Variants in PPP5C observed in about 807,000 individuals in gnomAD.
PPP5C encodes the protein protein phosphatase 5 catalytic subunit.
A neutral mutation model predicts 66.7 loss-of-function variants in PPP5C; 21 were observed. The ratio of observed to expected loss-of-function variants is 0.31; its 90% CI spans 0.22 to 0.45. PPP5C has a LOEUF of 0.45. PPP5C is among the 20% of genes least tolerant of loss of function. PPP5C has a pLI of 1.00. For missense variants in PPP5C, 464 were observed against 675.9 expected, an observed-to-expected ratio of 0.69 and a Z score of 3.48; for synonymous variants, 246 against 257.4, an observed-to-expected ratio of 0.96 and a Z score of 0.43.
chr19:46,379,870 A>G (rs1217405180), intron 4 of PPP5C, among the ~76,000 whole-genome samples: 1 of 152,240 alleles, frequency 6.6e-6, no homozygotes, highest in African/African-American at 2.4e-5. Context: ...AACTGAGCAG[A>G]TATCACTGAA....
chr19:46,388,854 C>A lies in PPP5C; in HGVS notation c.1355+123C>A. On this transcript the variant is annotated intron_variant, in intron 11 of 12. Coordinates refer to ENST00000012443, the MANE Select transcript of PPP5C (RefSeq NM_006247.4). This position sits in a 1 kb window ranked among gnomAD's most constrained non-coding sequence, Gnocchi z 4.9. ...GGCAAGAGCAGATAAAAGAACATGA[C>A]GAACACCCCCGTATGTGTCACCCAC... 7.9e-7 allele frequency: 1 copy of A among 1,266,846 alleles called. No homozygotes were observed. Among genetic ancestry groups the A allele is most frequent in the Non-Finnish European group, 1.1e-6 (1 of 916,902 alleles). The allele number at this position is 1,266,846 out of a possible 1,614,324, so 78.5% of individuals were successfully genotyped here. A position where few individuals can be genotyped will look rare whatever the true frequency, so the allele number is the denominator to read the frequency against.
rs149319032 is a variant in PPP5C, at chr19:46,376,667, G to T, written c.633+93G>T. On this transcript the variant is annotated intron_variant, in intron 4 of 12. Coordinates refer to ENST00000012443, the MANE Select transcript of PPP5C (RefSeq NM_006247.4). The surrounding 1 kb of genome is among the most constrained non-coding windows in gnomAD (Gnocchi z 5.1). ...GGCACTGAGCAAAACGACAGGAGAA[G>T]GGCGGCCATGACAGCCAACACCAAA... 6.5e-7 allele frequency: 1 copy of T among 1,527,504 alleles called. No homozygotes were observed. The highest frequency in any genetic ancestry group is 1.4e-5 in the African/African-American group (1 of 72,802). The allele number at this position is 1,527,504 out of a possible 1,614,324, so 94.6% of individuals were successfully genotyped here.
At chr19:46,349,401 G>A (rs1160263761) in intron 1 of PPP5C, among the ~76,000 whole-genome samples, 1 of 152,162 alleles carries the variant, frequency 6.6e-6, no homozygotes, top group African/African-American at 2.4e-5. Flanking sequence ...AGGAGAGGGG[G>A]GACTTGCAGC....
chr19:46,347,721 T>C (rs895238758), intron 1 of PPP5C, among the ~76,000 whole-genome samples: 4 of 148,904 alleles, frequency 2.7e-5, no homozygotes, highest in Admixed American at 6.7e-5. Context: ...AGGAATGTGA[T>C]GGTGGGGGCC....
intron 2 of PPP5C, among the ~76,000 whole-genome samples, chr19:46,363,465 C>G (rs1972435806): frequency 6.6e-6 from 1 of 150,772 alleles, no homozygotes; most frequent in African/African-American, 2.4e-5. Flanking sequence ...GAGTCTCACT[C>G]TGTCGCCAGG....
Position 46,374,028 on chromosome 19 carries a change from C to G in PPP5C, c.364-1576C>G, listed in dbSNP as rs1041321587. Among the ~76,000 whole-genome samples, 19 of 152,272 alleles carry G rather than the reference C, an allele frequency of 1.2e-4. No homozygotes were observed. In the East Asian group the frequency reaches 3.1e-3, roughly 25 times the overall value. ...GCCACATGCTGGTTTGGATGCCAGC[C>G]GGGTGTGGGCACATAACCACTCCTC... On this transcript the variant is annotated intron_variant, in intron 2 of 12. Coordinates refer to ENST00000012443, the MANE Select transcript of PPP5C (RefSeq NM_006247.4).
chr19:46,387,211 C>A lies in PPP5C; in HGVS notation c.1023C>A (p.Ala341=), dbSNP rs746068854. Residue 341 remains alanine (A), a synonymous_variant, in exon 8 of 13, where the codon GCC becomes GCA. Coordinates refer to ENST00000012443, the MANE Select transcript of PPP5C (RefSeq NM_006247.4). ...FSEVFEWLPL[A]QCINGKVLIM... is the part of the protein sequence containing the mutation. ...AGGTGTTCGAGTGGCTCCCGTTGGC[C>A]CAGTGCATCAACGGCAAAGTGCTGG... 2 of 1,614,224 alleles carry A rather than the reference C, an allele frequency of 1.2e-6. No individual in the cohort carries two copies.
Position 46,375,534 on chromosome 19 carries a change from G to A in PPP5C, c.364-70G>A, listed in dbSNP as rs554057436. On this transcript the variant is annotated intron_variant, in intron 2 of 12. Transcript: ENST00000012443. ...TTCCACTTTCATGGAACCCAGGGCT[G>A]GGCAGCCTGGGGGCAACCGCTGTGC... 278 of 1,579,158 alleles carry A rather than the reference G, an allele frequency of 1.8e-4. No homozygotes were observed. In the African/African-American group the frequency reaches 3.3e-3, roughly 19 times the overall value.
At chr19:46,354,473 G>A (rs1323343885) in intron 2 of PPP5C, among the ~76,000 whole-genome samples, 1 of 152,152 alleles carries the variant, frequency 6.6e-6, no homozygotes, top group African/African-American at 2.4e-5. Flanking sequence ...CAGAATAATT[G>A]CAGGTGAGGA....
chr19:46,350,071 G>A (rs987409747), intron 1 of PPP5C, among the ~76,000 whole-genome samples: 6 of 152,096 alleles, frequency 3.9e-5, no homozygotes, highest in Non-Finnish European at 7.4e-5. Flanking sequence ...TCTGAGTAGG[G>A]AAAGGACAGG....
At chr19:46,367,162 TC>T (rs1972504816) in intron 2 of PPP5C, among the ~76,000 whole-genome samples, 1 of 152,196 alleles carries the variant, frequency 6.6e-6, no homozygotes, top group Admixed American at 6.5e-5. Context: ...CCCACTCCCA[TC>T]CGGCCCTTGG....
In PPP5C at chr19:46,376,329, ACT is replaced by A; in HGVS notation, c.512-121_512-120del. Reference sequence around the variant, plus strand: ...TGACCCAGGAGGGGACTCTTCACTCACTCTGTCCCGCTCTCGACCTGTGTGTC... The same window carrying A: ...TGACCCAGGAGGGGACTCTTCACTCACTGTCCCGCTCTCGACCTGTGTGTC... On this transcript the variant is annotated intron_variant, in intron 3 of 12. Transcript: ENST00000012443. This position sits in a 1 kb window ranked among gnomAD's most constrained non-coding sequence, Gnocchi z 5.1. The A allele has an allele frequency of 7.7e-7, 1 of 1,304,846 alleles. No homozygotes were observed. The highest frequency in any genetic ancestry group is 2.4e-5 in the East Asian group (1 of 42,210). The allele number at this position is 1,304,846 out of a possible 1,614,324, so 80.8% of individuals were successfully genotyped here. A position where few individuals can be genotyped will look rare whatever the true frequency, so the allele number is the denominator to read the frequency against.
chr19:46,347,161 A>G lies in PPP5C; in HGVS notation c.65A>G (p.Asp22Gly). The change falls in exon 1 of 13, where the codon GAT becomes GGT. Residue 22 changes from aspartate (D) to glycine (G), a missense_variant. By Grantham distance (94) the Asp-to-Gly change is moderately conservative. Coordinates refer to ENST00000012443, the MANE Select transcript of PPP5C (RefSeq NM_006247.4). ...AEPPRDEPPA[D>G]GALKRAEELK... ...CCCCCCCGGGACGAACCCCCGGCTG[A>G]TGGAGCTCTGAAGCGGGCAGAGGAG... 6.2e-7 allele frequency: 1 copy of G among 1,606,248 alleles called. No individual in the cohort carries two copies. Among genetic ancestry groups the G allele is most frequent in the Non-Finnish European group, 8.5e-7 (1 of 1,176,720 alleles).
intron 2 of PPP5C, 52 bp from the exon 3 acceptor site, chr19:46,375,552 C>T (rs1179665840): frequency 9.4e-6 from 15 of 1,599,768 alleles, no homozygotes; most frequent in South Asian, 6.8e-5. Context: ...TGGGGGCAAC[C>T]GCTGTGCCCC....
chr19:46,349,084 G>A (rs778390592), intron 1 of PPP5C, among the ~76,000 whole-genome samples: 4 of 152,082 alleles, frequency 2.6e-5, no homozygotes, highest in Non-Finnish European at 5.9e-5. Context: ...AGACGAGAAC[G>A]TGCACAGGAG....
rs1972928173 is a variant in PPP5C, at chr19:46,388,346, C to T, written c.1136-62C>T. On this transcript the variant is annotated intron_variant, in intron 9 of 12. Transcript: ENST00000012443. The surrounding 1 kb of genome is among the most constrained non-coding windows in gnomAD (Gnocchi z 4.9). ...GCACCTGGCCGGGCCAGGAGGTGGC[C>T]TGTGAGTGACCACCCCCGGGGAGGT... The T allele has an allele frequency of 1.3e-6, 2 of 1,543,858 alleles. No individual in the cohort carries two copies. The highest frequency in any genetic ancestry group is 1.2e-5 in the South Asian group (1 of 82,026).
At chr19:46,358,179 C>T (rs1025654174) in intron 2 of PPP5C, among the ~76,000 whole-genome samples, 2 of 152,112 alleles carry the variant, frequency 1.3e-5, no homozygotes, top group Non-Finnish European at 2.9e-5. Context: ...TTCATAGTAC[C>T]ACTGGCCACC....
At chr19:46,378,243 T>C (rs1474987004) in intron 4 of PPP5C, among the ~76,000 whole-genome samples, 1 of 152,236 alleles carries the variant, frequency 6.6e-6, no homozygotes. Context: ...TTCTTTATGG[T>C]TTCTGATTTT....
intron 2 of PPP5C, among the ~76,000 whole-genome samples, chr19:46,366,146 C>T (rs1972486824): frequency 1.3e-5 from 2 of 152,074 alleles, no homozygotes; most frequent in East Asian, 3.9e-4. Context: ...TACTGAGCAT[C>T]GAGTCCAGGG....
Sources: gnomAD v4.1 joint callset for allele counts (sites outside exome capture counted in the v4.1 genomes callset) on GRCh38, gnomAD v4.1.1 for gene constraint, Gnocchi (gnomAD v3.1) non-coding constraint, MANE v1.5 for transcripts, NCBI Gene and HGNC (gene_info 2026-07-23, HGNC 2026-07-21) for gene names.